Variants in NETO1 observed in about 807,000 individuals in gnomAD.
NETO1 encodes the protein neuropilin and tolloid like 1.
Under a neutral mutation model 61.3 loss-of-function variants are expected in NETO1, and 26 were observed. The ratio of observed to expected loss-of-function variants is 0.42; its 90% CI spans 0.31 to 0.59. The LOEUF is 0.59. Among genes scored for constraint, NETO1 ranks in the 20% least tolerant of loss-of-function variants. The pLI is 0.12. For missense variants in NETO1, 531 were observed against 662.8 expected, an observed-to-expected ratio of 0.80 and a Z score of 2.18; for synonymous variants, 225 against 225.8, an observed-to-expected ratio of 1.00 and a Z score of 0.03.
intron 4 of NETO1, among the ~76,000 whole-genome samples, chr18:72,816,322 A>G (rs1380497057): frequency 6.6e-6 from 1 of 152,220 alleles, no homozygotes; most frequent in Non-Finnish European, 1.5e-5. Context: ...GATATCCCAA[A>G]GCACGCTGGA....
At chr18:72,767,902 G>GATCTAACA (rs552736995) in intron 7 of NETO1, among the ~76,000 whole-genome samples, 201 of 152,144 alleles carry the variant, frequency 1.3e-3, no homozygotes, top group African/African-American at 4.5e-3. Context: ...TCTCACTAAC[G>GATCTAACA]GATACAATAC....
At position 72,867,596 on chromosome 18, in the gene NETO1, C is replaced by G. The variant is rs1438507479; in HGVS notation, c.-305G>C. 3.8e-6 allele frequency: 1 copy of G among 259,926 alleles called. No homozygotes were observed. Among genetic ancestry groups the G allele is most frequent in the Non-Finnish European group, 7.2e-6 (1 of 137,988 alleles). 16.1% of individuals were successfully genotyped at this position (259,926 alleles called of 1,614,324 possible). On this transcript the variant is annotated 5_prime_UTR_variant, in exon 1 of 11. Coordinates refer to ENST00000327305, the MANE Select transcript of NETO1 (RefSeq NM_138966.5). Reference sequence around the variant, plus strand: ...CACCCGGGCGCCGGCCGCCACCATCCGCGCCGCCGCCGTCAGGACCCTCCT... The same window carrying G: ...CACCCGGGCGCCGGCCGCCACCATCGGCGCCGCCGCCGTCAGGACCCTCCT...
At chr18:72,836,104 T>C (rs2073739375) in intron 4 of NETO1, among the ~76,000 whole-genome samples, 1 of 152,200 alleles carries the variant, frequency 6.6e-6, no homozygotes, top group Admixed American at 6.5e-5. Flanking sequence ...CTTCCAGTAC[T>C]TGGATTTGAG....
intron 4 of NETO1, among the ~76,000 whole-genome samples, chr18:72,856,044 T>C (rs1007885210): frequency 3.3e-5 from 5 of 152,210 alleles, no homozygotes; most frequent in African/African-American, 1.2e-4. Context: ...TGTATACATA[T>C]GTATAAATAT....
At chr18:72,837,796 A>G (rs1359306411) in intron 4 of NETO1, among the ~76,000 whole-genome samples, 1 of 152,200 alleles carries the variant, frequency 6.6e-6, no homozygotes, top group African/African-American at 2.4e-5. Flanking sequence ...CTTAAAAAAC[A>G]AACACCACCA....
rs138460689 is a variant in NETO1, at chr18:72,847,140, T to C, written c.469+11686A>G. Among the ~76,000 whole-genome samples, 604 of 152,270 alleles carry C rather than the reference T, an allele frequency of 4.0e-3. 1 individual carries two copies. Among genetic ancestry groups the C allele is most frequent in the African/African-American group, 0.012 (517 of 41,562 alleles). On this transcript the variant is annotated intron_variant, in intron 4 of 10. Transcript: ENST00000327305. Reference sequence around the variant, plus strand: ...AATAGAACAGTCTTCTGATTTGGGGTATGATGAATAGAAAACAGAAGAGAA... The same window carrying C: ...AATAGAACAGTCTTCTGATTTGGGGCATGATGAATAGAAAACAGAAGAGAA...
chr18:72,754,500 A>G (rs575083383), intron 8 of NETO1, among the ~76,000 whole-genome samples: 1 of 152,278 alleles, frequency 6.6e-6, no homozygotes, highest in South Asian at 2.1e-4. Context: ...GAAGAATGGA[A>G]ACCAAACCAT....
rs553247782 is a variant in NETO1 at position 72,746,537 on chromosome 18, A to G, written c.*1642T>C. Among the ~76,000 whole-genome samples the G allele has an allele frequency of 6.6e-6, 1 of 152,136 alleles. No homozygotes were observed. The highest frequency in any genetic ancestry group is 1.5e-5 in the Non-Finnish European group (1 of 67,980). Reference sequence around the variant, plus strand: ...TCAAGATAGAGTGTTTATAATGGCTATGATAACTCTTTGACTTTTCTATTA... The same window carrying G: ...TCAAGATAGAGTGTTTATAATGGCTGTGATAACTCTTTGACTTTTCTATTA... On this transcript the variant is annotated 3_prime_UTR_variant, in exon 11 of 11. Coordinates refer to ENST00000327305, the MANE Select transcript of NETO1 (RefSeq NM_138966.5).
chr18:72,834,498 A>G, intron 4 of NETO1: 1 of 970,934 alleles, frequency 1.0e-6, no homozygotes, highest in Non-Finnish European at 1.2e-6. Context: ...GACACTTAAG[A>G]AAGTTAATCA....
At chr18:72,864,756 TG>T in intron 3 of NETO1, 51 bp downstream of exon 3, 1 of 1,611,168 alleles carries the variant, frequency 6.2e-7, no homozygotes, top group South Asian at 1.1e-5. Flanking sequence ...AGCACAGAGA[TG>T]GCAAGGTTTT....
intron 7 of NETO1, among the ~76,000 whole-genome samples, chr18:72,760,632 T>C (rs1332512948): frequency 1.3e-5 from 2 of 152,204 alleles, no homozygotes; most frequent in African/African-American, 4.8e-5. Flanking sequence ...CTTGAGCTGA[T>C]TAACCTGTAA....
In NETO1 at chr18:72,850,016, A is replaced by G. The variant is rs570063721; in HGVS notation, c.469+8810T>C. On this transcript the variant is annotated intron_variant, in intron 4 of 10. Transcript: ENST00000327305. ...TACACTGGGTCCTCCCAGATAATCCAAGATAATCTCCCTTTATTAAAGTCA... is the reference window on the plus strand; with the variant it reads ...TACACTGGGTCCTCCCAGATAATCCGAGATAATCTCCCTTTATTAAAGTCA... 4.7e-3 allele frequency among the ~76,000 whole-genome samples: 711 copies of G among 152,342 alleles called. 1 individual carries two copies. The highest frequency in any genetic ancestry group is 8.2e-3 in the Non-Finnish European group (559 of 68,036).
chr18:72,772,751 A>ATATCTATC (rs1555684117), intron 7 of NETO1, among the ~76,000 whole-genome samples: 1 of 31,918 alleles, frequency 3.1e-5, no homozygotes, highest in Non-Finnish European at 5.4e-5. Flanking sequence ...ACATCTCTCT[A>ATATCTATC]TATATATCTA....
intron 4 of NETO1, among the ~76,000 whole-genome samples, chr18:72,821,569 A>AC (rs1250416421): frequency 5.3e-5 from 8 of 150,728 alleles, no homozygotes; most frequent in Non-Finnish European, 1.2e-4. Flanking sequence ...CAAAAAAAAA[A>AC]AAAAAAAAGG....
At chr18:72,867,206 GA>G in intron 1 of NETO1, 57 bp downstream of exon 1, 1 of 1,362,612 alleles carries the variant, frequency 7.3e-7, no homozygotes, top group South Asian at 1.5e-5. Context: ...TCGGCCCCGG[GA>G]AAGGGGCGGG....
intron 7 of NETO1, among the ~76,000 whole-genome samples, chr18:72,781,870 T>G (rs57005432): frequency 1.3e-5 from 2 of 151,946 alleles, no homozygotes; most frequent in Admixed American, 1.3e-4. Flanking sequence ...TGTTTCAGAT[T>G]CGGGGTACAT....
chr18:72,835,227 G>A lies in NETO1; in HGVS notation c.469+23599C>T, dbSNP rs1341619698. 8 of 1,489,510 alleles carry A rather than the reference G, an allele frequency of 5.4e-6. No individual in the cohort carries two copies. The South Asian group carries it at 5.4e-5, about 10-fold the overall frequency. 92.3% of individuals were successfully genotyped at this position (1,489,510 alleles called of 1,614,324 possible). On this transcript the variant is annotated intron_variant, in intron 4 of 10. Coordinates refer to ENST00000327305, the MANE Select transcript of NETO1 (RefSeq NM_138966.5). Reference sequence around the variant, plus strand: ...TGCTTCAAGATGGTGTTAGATCAACGTTCTGGGCACCACAGCATCCAGAGA... The same window carrying A: ...TGCTTCAAGATGGTGTTAGATCAACATTCTGGGCACCACAGCATCCAGAGA...
At chr18:72,809,592 C>A (rs1293848092) in intron 4 of NETO1, among the ~76,000 whole-genome samples, 1 of 152,162 alleles carries the variant, frequency 6.6e-6, no homozygotes, top group African/African-American at 2.4e-5. Flanking sequence ...GATTTCGAAC[C>A]TCTTCGATAC....
rs376842797 is a variant in NETO1, at chr18:72,831,245, A to C, written c.469+27581T>G. 2.0e-3 allele frequency among the ~76,000 whole-genome samples: 304 copies of C among 152,328 alleles called. 1 individual carries two copies. Among genetic ancestry groups the C allele is most frequent in the African/African-American group, 7.0e-3 (292 of 41,580 alleles). ...TCCATACCAGTGACTAACACATCTGATTCCACAGACCACATCTTCTAACAA... is the reference window on the plus strand; with the variant it reads ...TCCATACCAGTGACTAACACATCTGCTTCCACAGACCACATCTTCTAACAA... On this transcript the variant is annotated intron_variant, in intron 4 of 10. Transcript: ENST00000327305.
Sources: gnomAD v4.1 joint callset for allele counts (sites outside exome capture counted in the v4.1 genomes callset) on GRCh38, gnomAD v4.1.1 for gene constraint, MANE v1.5 for transcripts, NCBI Gene and HGNC (gene_info 2026-07-23, HGNC 2026-07-21) for gene names.